The following LMCD1 variants were observed in gnomAD, a reference collection of about 807,000 sequenced individuals.
The protein encoded by LMCD1 is LIM and cysteine rich domains 1, also known as LIM and cysteine-rich domains protein 1.
A neutral mutation model predicts 42.7 loss-of-function variants in LMCD1; 32 were observed. The observed-to-expected ratio is 0.75, with a 90% CI of 0.57 to 1.01. LMCD1 has a LOEUF of 1.01. LMCD1 is among the 50% of genes least tolerant of loss of function. The pLI is 0.00. For synonymous variants in LMCD1, 178 were observed against 184.9 expected (o/e 0.96, Z 0.30); for missense variants, 458 against 483.1 (o/e 0.95, Z 0.49).
Position 8,548,976 on chromosome 3 carries a change from C to T in LMCD1, c.723+73C>T, listed in dbSNP as rs1005785824. 116 of 1,141,022 alleles carry T rather than the reference C, an allele frequency of 1.0e-4. No individual in the cohort carries two copies. The Middle Eastern group carries it at 1.7e-3, about 17-fold the overall frequency. 70.7% of individuals were successfully genotyped at this position (1,141,022 alleles called of 1,614,324 possible). On this transcript the variant is annotated intron_variant, in intron 4 of 5. Transcript: ENST00000157600. The stretch of plus-strand genomic sequence containing the variant: ...GGGCTGGACAGTCAGGGCCCCATCA[C>T]GGGGCTTTGTTCCCTCATTCATGCA...
intron 4 of LMCD1, among the ~76,000 whole-genome samples, chr3:8,551,987 C>T (rs903264316): frequency 8.5e-5 from 13 of 152,308 alleles, no homozygotes; most frequent in African/African-American, 2.9e-4. Flanking sequence ...TAGGACTCAG[C>T]CTGACACCCC....
Position 8,565,631 on chromosome 3 carries a change from G to T in LMCD1, c.923G>T (p.Cys308Phe). ...RHYCESLRPR[C>F]SGCDEIIFAE... ...TACTGCGAGAGTCTGCGGCCCCGGT[G>T]CTCCGGCTGCGATGAGGTGGGAGAT... is the stretch of plus-strand genomic sequence containing the variant. The change falls in exon 5 of 6, where the codon TGC becomes TTC. Residue 308 changes from cysteine to phenylalanine, a missense_variant. Coordinates refer to ENST00000157600, the MANE Select transcript of LMCD1 (RefSeq NM_014583.4). 1 of 1,602,348 alleles carries T rather than the reference G, an allele frequency of 6.2e-7. No individual in the cohort carries two copies. Among genetic ancestry groups the T allele is most frequent in the Non-Finnish European group, 8.5e-7 (1 of 1,174,732 alleles).
At chr3:8,527,811 A>G (rs542901962) in intron 1 of LMCD1, among the ~76,000 whole-genome samples, 1 of 152,350 alleles carries the variant, frequency 6.6e-6, no homozygotes, top group South Asian at 2.1e-4. Context: ...TTGTGCAAAT[A>G]TGAAGTGAAA....
intron 4 of LMCD1, among the ~76,000 whole-genome samples, chr3:8,553,113 C>G (rs1014138164): frequency 9.2e-5 from 14 of 152,210 alleles, no homozygotes; most frequent in Non-Finnish European, 1.2e-4. Context: ...ATCTACCACA[C>G]TATGCTCTGT....
chr3:8,505,181 CTT>C (rs1478783622), intron 1 of LMCD1, among the ~76,000 whole-genome samples: 1 of 152,178 alleles, frequency 6.6e-6, no homozygotes, highest in Non-Finnish European at 1.5e-5. Flanking sequence ...AATGAGGACA[CTT>C]TTATTTATAA....
intron 1 of LMCD1, among the ~76,000 whole-genome samples, chr3:8,526,758 A>G (rs1694310472): frequency 6.6e-6 from 1 of 152,206 alleles, no homozygotes; most frequent in Non-Finnish European, 1.5e-5. Context: ...GAGTTGTTGT[A>G]AGATTTGTAC....
At chr3:8,564,890 G>T (rs1451773815) in intron 4 of LMCD1, among the ~76,000 whole-genome samples, 2 of 152,224 alleles carry the variant, frequency 1.3e-5, no homozygotes, top group Non-Finnish European at 2.9e-5. Flanking sequence ...AAGATGGGCT[G>T]CAGAAGCAGT....
intron 3 of LMCD1, among the ~76,000 whole-genome samples, chr3:8,541,090 G>A (rs1186576087): frequency 1.3e-5 from 2 of 152,156 alleles, no homozygotes; most frequent in Non-Finnish European, 2.9e-5. Flanking sequence ...CAGGGTCTCC[G>A]GATTCCAGAG....
Position 8,548,789 on chromosome 3 carries a change from G to A in LMCD1, c.609G>A (p.Gly203=). 2 of 1,610,870 alleles carry A rather than the reference G, an allele frequency of 1.2e-6. No homozygotes were observed. The highest frequency in any genetic ancestry group is 2.2e-5 in the East Asian group (1 of 44,800). The change falls in exon 4 of 6, where the codon GGG becomes GGA. Residue 203 remains glycine, a synonymous_variant. Transcript: ENST00000157600. ...GCGTGGGAGAAGTGGCCCTCCCGGG[G>A]CAGGGTGGCTTGCCCAAGGAGGAGG... ...ALGVGEVALP[G]QGGLPKEEGK...
chr3:8,554,534 C>T (rs1477216303), intron 4 of LMCD1, among the ~76,000 whole-genome samples: 3 of 152,182 alleles, frequency 2.0e-5, no homozygotes, highest in Non-Finnish European at 4.4e-5. Context: ...CCCAGTTCCA[C>T]CCACTGTGGG....
chr3:8,530,246 G>C (rs558295212), intron 1 of LMCD1, among the ~76,000 whole-genome samples: 63 of 152,340 alleles, frequency 4.1e-4, no homozygotes, highest in Admixed American at 1.4e-3. Flanking sequence ...CTGCAGAACA[G>C]AATGTGGGCA....
Position 8,548,689 on chromosome 3 carries a change from G to C in LMCD1, c.509G>C (p.Arg170Pro), listed in dbSNP as rs768404180. 1 of 1,614,184 alleles carries C rather than the reference G, an allele frequency of 6.2e-7. No individual in the cohort carries two copies. Residue 170 changes from arginine to proline, a missense_variant, in exon 4 of 6, where the codon CGC becomes CCC. Physicochemically the swap from Arg to Pro is moderately radical, Grantham distance 103 (BLOSUM62 -2). Coordinates refer to ENST00000157600, the MANE Select transcript of LMCD1 (RefSeq NM_014583.4). ...QLPIYDQDPS[R>P]CRGLLENELK... ...CCCATCTATGACCAGGATCCCTCGC[G>C]CTGCCGTGGACTTTTGGAGAATGAG...
chr3:8,534,497 C>A (rs1274599550), intron 2 of LMCD1, among the ~76,000 whole-genome samples: 2 of 152,186 alleles, frequency 1.3e-5, no homozygotes, highest in Non-Finnish European at 2.9e-5. Context: ...CAAGTGTCAT[C>A]CTTGGTTTGA....
Position 8,537,212 on chromosome 3 carries a change from C to A in LMCD1, c.159C>A (p.Ser53Arg). The change falls in exon 3 of 6, where the codon AGC (serine) becomes AGA (arginine). Residue 53 changes from serine (S) to arginine (R), a missense_variant. Ser to Arg is a moderately radical substitution (Grantham distance 110). Coordinates refer to ENST00000157600, the MANE Select transcript of LMCD1 (RefSeq NM_014583.4). ...AAATATGCAAGTCTTGCAAATGCAG[C>A]CAAGAGGACCACTGCCTAACATCTG... The part of the protein sequence containing the change: ...WRKICKSCKC[S>R]QEDHCLTSDL... 6.2e-7 allele frequency: 1 copy of A among 1,614,056 alleles called. No homozygotes were observed. The highest frequency in any genetic ancestry group is 8.5e-7 in the Non-Finnish European group (1 of 1,179,986).
intron 1 of LMCD1, among the ~76,000 whole-genome samples, chr3:8,512,100 C>T (rs1574946945): frequency 6.6e-6 from 1 of 152,190 alleles, no homozygotes; most frequent in South Asian, 2.1e-4. Flanking sequence ...GTTCAGAACA[C>T]CACAGCATGT....
intron 1 of LMCD1, among the ~76,000 whole-genome samples, chr3:8,525,953 A>G (rs957495160): frequency 6.6e-6 from 1 of 152,196 alleles, no homozygotes; most frequent in Non-Finnish European, 1.5e-5. Context: ...TTAGGGAACC[A>G]CTGTTGTAGC....
intron 3 of LMCD1, among the ~76,000 whole-genome samples, chr3:8,537,960 G>T (rs1467565300): frequency 6.6e-6 from 1 of 152,134 alleles, no homozygotes; most frequent in Non-Finnish European, 1.5e-5. Flanking sequence ...TCAAGTAAAT[G>T]ATCAGAGAAA....
intron 1 of LMCD1, among the ~76,000 whole-genome samples, chr3:8,516,991 G>A (rs1694113369): frequency 6.6e-6 from 1 of 152,172 alleles, no homozygotes. Context: ...ATCATTTTTT[G>A]CTGAATTTTA....
intron 1 of LMCD1, among the ~76,000 whole-genome samples, chr3:8,516,012 C>T (rs1249370833): frequency 1.3e-5 from 2 of 152,118 alleles, no homozygotes; most frequent in Non-Finnish European, 2.9e-5. Context: ...CGCACCAAAC[C>T]AGACCCTGAA....
Sources: allele counts gnomAD v4.1 joint callset (sites outside exome capture counted in the v4.1 genomes callset), GRCh38; gene constraint gnomAD v4.1.1; transcripts MANE v1.5; gene names NCBI Gene and HGNC (gene_info 2026-07-23, HGNC 2026-07-21).